KDM4B: variants seen among roughly 807,000 people sequenced by gnomAD.
KDM4B encodes the protein lysine-specific demethylase 4B.
A neutral mutation model predicts 125.2 loss-of-function variants in KDM4B; 32 were observed. The ratio of observed to expected loss-of-function variants is 0.26; its 90% CI spans 0.19 to 0.34. The LOEUF (loss-of-function observed/expected upper bound fraction) is 0.34, where lower values mean the gene tolerates loss of function less well. Among genes scored for constraint, KDM4B ranks in the 10% least tolerant of loss-of-function variants. The pLI, the probability that KDM4B is intolerant of heterozygous loss-of-function variation, is 1.00. For missense variants in KDM4B, 1,190 were observed against 1,577.7 expected (o/e 0.75, Z 4.16); for synonymous variants, 721 against 677.9 (o/e 1.06, Z -0.99).
chr19:5,130,408 A>G (rs1436796980), intron 11 of KDM4B, among the ~76,000 whole-genome samples: 1 of 152,244 alleles, frequency 6.6e-6, no homozygotes, highest in South Asian at 2.1e-4. Context: ...ACATGAGTCA[A>G]CTGTCCCCTC....
intron 6 of KDM4B, among the ~76,000 whole-genome samples, chr19:5,068,055 G>A (rs1336420684): frequency 6.6e-6 from 1 of 151,402 alleles, no homozygotes; most frequent in Non-Finnish European, 1.5e-5. Flanking sequence ...TCGAGCTTTA[G>A]TGAACAAACA....
intron 6 of KDM4B, among the ~76,000 whole-genome samples, chr19:5,066,005 G>A (rs1475512006): frequency 2.0e-5 from 3 of 152,208 alleles, no homozygotes; most frequent in Admixed American, 6.5e-5. Context: ...CATGCGGCTC[G>A]TTGCTGCCTA....
chr19:5,055,471 C>G (rs770151084), intron 6 of KDM4B, among the ~76,000 whole-genome samples: 15 of 152,218 alleles, frequency 9.9e-5, no homozygotes, highest in Non-Finnish European at 1.9e-4. Context: ...TTTGGATGGT[C>G]GATTGCCCTG....
In KDM4B at chr19:5,078,779, C is replaced by T. The variant is rs955273316; in HGVS notation, c.780+1309C>T. On this transcript the variant is annotated intron_variant, in intron 8 of 22. Coordinates refer to ENST00000159111, the MANE Select transcript of KDM4B (RefSeq NM_015015.3). The surrounding 1 kb of genome is among the most constrained non-coding windows in gnomAD (Gnocchi z 4.5). ...ACCTGAGCCAAAGGTGGCTCACCAC[C>T]AGCCTCAGAGCGGCTGCTGGCACCA... 2.0e-5 allele frequency: 3 copies of T among 152,120 alleles called. No individual in the cohort carries two copies. Among genetic ancestry groups the T allele is most frequent in the African/African-American group, 7.2e-5 (3 of 41,426 alleles). The allele number at this position is 152,120 out of a possible 1,614,324, so 9.4% of individuals were successfully genotyped here. A position where few individuals can be genotyped will look rare whatever the true frequency, so the allele number is the denominator to read the frequency against.
intron 6 of KDM4B, among the ~76,000 whole-genome samples, chr19:5,059,719 G>A (rs995271444): frequency 3.9e-5 from 6 of 152,226 alleles, no homozygotes; most frequent in Non-Finnish European, 5.9e-5. Context: ...GGCGGTCACC[G>A]TGTTTCCTCA....
intron 2 of KDM4B, among the ~76,000 whole-genome samples, chr19:5,021,828 G>T (rs1282572092): frequency 6.6e-6 from 1 of 152,026 alleles, no homozygotes; most frequent in African/African-American, 2.4e-5. Context: ...TAGAGACAGG[G>T]TTTCACGGTG....
Position 4,997,821 on chromosome 19 carries a change from A to G in KDM4B, c.-108-18436A>G, listed in dbSNP as rs1181272023. ...CCGCAGGCCCCAGAAAGACGGTGACACTCCAGGAGGTTGCTAGACCTGGCG... is the reference window on the plus strand; with the variant it reads ...CCGCAGGCCCCAGAAAGACGGTGACGCTCCAGGAGGTTGCTAGACCTGGCG... On this transcript the variant is annotated intron_variant, in intron 1 of 22. Coordinates refer to ENST00000159111, the MANE Select transcript of KDM4B (RefSeq NM_015015.3). This position sits in a 1 kb window ranked among gnomAD's most constrained non-coding sequence, Gnocchi z 4.2. Among the ~76,000 whole-genome samples the G allele has an allele frequency of 6.6e-6, 1 of 151,978 alleles. No individual in the cohort carries two copies. Among genetic ancestry groups the G allele is most frequent in the Non-Finnish European group, 1.5e-5 (1 of 67,998 alleles).
rs999011991 is a variant in KDM4B, at chr19:5,115,333, G to A, written c.1116-4320G>A. ...AGTGGGTGGCTCTGGGCAGAAGGGA[G>A]GCGCCTTCCTGGGGTCAGCAGTGGG... On this transcript the variant is annotated intron_variant, in intron 10 of 22. Transcript: ENST00000159111. The surrounding 1 kb of genome is among the most constrained non-coding windows in gnomAD (Gnocchi z 4.2). Among the ~76,000 whole-genome samples the A allele has an allele frequency of 6.6e-6, 1 of 152,154 alleles. No individual in the cohort carries two copies. The highest frequency in any genetic ancestry group is 2.4e-5 in the African/African-American group (1 of 41,426).
Position 5,042,471 on chromosome 19 carries a change from G to T in KDM4B, c.432+1220G>T, listed in dbSNP as rs565487753. On this transcript the variant is annotated intron_variant, in intron 5 of 22. Coordinates refer to ENST00000159111, the MANE Select transcript of KDM4B (RefSeq NM_015015.3). ...GCCAAGATCGCGCCACTGCCCCGCAGCCTGGGCAAAAATGAGACTACGTCA... is the reference window on the plus strand; with the variant it reads ...GCCAAGATCGCGCCACTGCCCCGCATCCTGGGCAAAAATGAGACTACGTCA... Among the ~76,000 whole-genome samples the T allele has an allele frequency of 7.3e-5, 11 of 150,836 alleles. No individual in the cohort carries two copies. In the South Asian group the frequency reaches 2.1e-3, roughly 29 times the overall value.
Position 5,131,115 on chromosome 19 carries a change from G to T in KDM4B, c.1355G>T (p.Ser452Ile). The change falls in exon 12 of 23, where the codon AGC becomes ATC. Residue 452 changes from serine to isoleucine, a missense_variant. Ser to Ile is a moderately radical substitution (Grantham distance 142). Transcript: ENST00000159111. ...RGKLRPTKAK[S>I]ERKKKSFGLL... is the part of the protein sequence containing the mutation. ...AAGCTGCGGCCAACCAAGGCCAAGA[G>T]CGAGCGGAAGAAGAAGAGCTTCGGC... 1 of 1,525,338 alleles carries T rather than the reference G, an allele frequency of 6.6e-7. No individual in the cohort carries two copies. Among genetic ancestry groups the T allele is most frequent in the Non-Finnish European group, 8.8e-7 (1 of 1,135,758 alleles). 94.5% of individuals were successfully genotyped at this position (1,525,338 alleles called of 1,614,324 possible). A position where few individuals can be genotyped will look rare whatever the true frequency, so the allele number is the denominator to read the frequency against.
intron 1 of KDM4B, among the ~76,000 whole-genome samples, chr19:4,972,380 C>T (rs60878231): frequency 0.07 from 10,697 of 152,216 alleles, 454 homozygotes; most frequent in African/African-American, 0.1. Context: ...GGGTAAAAGG[C>T]GCTGAAGCTT....
At chr19:5,032,749 C>T in intron 2 of KDM4B, 117 bp from the exon 3 acceptor site, 1 of 947,736 alleles carries the variant, frequency 1.1e-6, no homozygotes, top group South Asian at 1.7e-5. Context: ...GGCCCAGCCG[C>T]CTTTGTCCTC....
At chr19:5,002,092 G>A (rs535123989) in intron 1 of KDM4B, among the ~76,000 whole-genome samples, 1 of 151,934 alleles carries the variant, frequency 6.6e-6, no homozygotes, top group South Asian at 2.1e-4. Flanking sequence ...CCGCCTCCCA[G>A]GTTCAAGCAA....
At position 5,093,700 on chromosome 19, in the gene KDM4B, G is replaced by A. The variant is rs192068204; in HGVS notation, c.918+11196G>A. On this transcript the variant is annotated intron_variant, in intron 9 of 22. Coordinates refer to ENST00000159111, the MANE Select transcript of KDM4B (RefSeq NM_015015.3). ...CCACACCCACCCCAGACAGATGGTC[G>A]AGATGGCTGTGAGAGGAGTGTGACC... Among the ~76,000 whole-genome samples the A allele has an allele frequency of 2.1e-3, 315 of 152,344 alleles. 2 individuals carry two copies. The highest frequency in any genetic ancestry group is 9.3e-3 in the South Asian group (45 of 4,830).
At chr19:5,127,179 A>C (rs2039464020) in intron 11 of KDM4B, among the ~76,000 whole-genome samples, 1 of 152,058 alleles carries the variant, frequency 6.6e-6, no homozygotes, top group African/African-American at 2.4e-5. Context: ...CCCCATCTGT[A>C]CCATGGTCCC....
chr19:5,056,782 T>C (rs1430534008), intron 6 of KDM4B, among the ~76,000 whole-genome samples: 2 of 151,162 alleles, frequency 1.3e-5, no homozygotes, highest in Admixed American at 6.6e-5. Context: ...GCACGGGGCA[T>C]GTGTCACTCG....
At chr19:5,144,540 C>G in intron 20 of KDM4B, 128 bp downstream of exon 20, 1 of 880,394 alleles carries the variant, frequency 1.1e-6, no homozygotes, top group Non-Finnish European at 1.6e-6. Flanking sequence ...ACTCCAGATC[C>G]CTTCATGGGG....
rs1568255862 is a variant in KDM4B, at chr19:5,047,678, C to T, written c.626+9C>T. The T allele has an allele frequency of 6.2e-7, 1 of 1,612,088 alleles. No individual in the cohort carries two copies. Among genetic ancestry groups the T allele is most frequent in the Admixed American group, 1.7e-5 (1 of 59,912 alleles). ...GGGGAGCCTAAGTCCTGGTGAGTGT[C>T]TGCACTGGCCCTGCCGCCGGCCGGA... On this transcript the variant is annotated intron_variant, in intron 6 of 22. Transcript: ENST00000159111.
At position 5,151,612 on chromosome 19, in the gene KDM4B, C is replaced by T. The variant is rs1455499665; in HGVS notation, c.*101C>T. The T allele has an allele frequency of 1.0e-5, 11 of 1,085,210 alleles. No homozygotes were observed. The highest frequency in any genetic ancestry group is 8.2e-5 in the African/African-American group (5 of 61,160). The allele number at this position is 1,085,210 out of a possible 1,614,324, so 67.2% of individuals were successfully genotyped here. On this transcript the variant is annotated 3_prime_UTR_variant, in exon 23 of 23. Transcript: ENST00000159111. ...TTCCTGTCCTCGTGTCCCCGACCCCCGAGAGGCCACCTCCAAGCCGCGGGT... is the reference window on the plus strand; with the variant it reads ...TTCCTGTCCTCGTGTCCCCGACCCCTGAGAGGCCACCTCCAAGCCGCGGGT...
Sources: allele counts gnomAD v4.1 joint callset (sites outside exome capture counted in the v4.1 genomes callset), GRCh38; gene constraint gnomAD v4.1.1; non-coding constraint Gnocchi (gnomAD v3.1); transcripts MANE v1.5; gene names NCBI Gene and HGNC (gene_info 2026-07-23, HGNC 2026-07-21).